The following ETV1 variants were observed in gnomAD, a reference collection of about 807,000 sequenced individuals.
ETV1 encodes the protein ETS translocation variant 1.
ETV1 carries 27 observed loss-of-function variants against 62.3 expected under a neutral mutation model. The ratio of observed to expected loss-of-function variants is 0.43; its 90% CI spans 0.32 to 0.60. The LOEUF (loss-of-function observed/expected upper bound fraction) is 0.60, where lower values mean the gene tolerates loss of function less well. Ranked by LOEUF, ETV1 falls within the 20% of genes least tolerant of loss-of-function variation. ETV1 has a pLI of 0.06. For missense variants in ETV1, 605 were observed against 605.8 expected, an observed-to-expected ratio of 1.00 and a Z score of 0.01; for synonymous variants, 222 against 199.6, an observed-to-expected ratio of 1.11 and a Z score of -0.94.
chr7:13,931,864 G>A (rs771265984), intron 8 of ETV1, 115 bp from the exon 9 acceptor site: 467 of 1,259,698 alleles, frequency 3.7e-4, no homozygotes, highest in Middle Eastern at 8.2e-4. Flanking sequence ...GACCTGAAGC[G>A]TAAATCTTTA....
intron 6 of ETV1, among the ~76,000 whole-genome samples, chr7:13,959,368 T>C (rs1402787941): frequency 6.6e-6 from 1 of 152,298 alleles, no homozygotes; most frequent in African/African-American, 2.4e-5. Context: ...CCCACTCTAC[T>C]GTACCTTAAC....
chr7:13,926,802 C>A (rs561711634), intron 9 of ETV1, among the ~76,000 whole-genome samples: 2 of 152,126 alleles, frequency 1.3e-5, no homozygotes, highest in East Asian at 3.9e-4. Flanking sequence ...ATTAAGCTAG[C>A]CCTAAATATC....
chr7:13,936,483 T>C (rs941555974), intron 7 of ETV1, among the ~76,000 whole-genome samples: 1 of 152,192 alleles, frequency 6.6e-6, no homozygotes, highest in Non-Finnish European at 1.5e-5. Flanking sequence ...TAAATTAAAA[T>C]GTCTGATATA....
At chr7:13,975,385 A>C (rs1781326946) in intron 6 of ETV1, among the ~76,000 whole-genome samples, 1 of 152,006 alleles carries the variant, frequency 6.6e-6, no homozygotes, top group South Asian at 2.1e-4. Flanking sequence ...ACTCTACTAA[A>C]AAGACAAAAA....
intron 8 of ETV1, among the ~76,000 whole-genome samples, chr7:13,934,262 C>T (rs1786527088): frequency 6.6e-6 from 1 of 152,138 alleles, no homozygotes; most frequent in Admixed American, 6.6e-5. Flanking sequence ...TAATAACTAC[C>T]CCACAAGAGG....
chr7:13,954,256 T>C (rs1232849271), intron 6 of ETV1, among the ~76,000 whole-genome samples: 1 of 152,256 alleles, frequency 6.6e-6, no homozygotes, highest in Non-Finnish European at 1.5e-5. Flanking sequence ...AAATACTTGC[T>C]TAAATGAATT....
At chr7:13,975,161 C>T (rs1257385677) in intron 6 of ETV1, 1 of 152,204 alleles carries the variant, frequency 6.6e-6, no homozygotes, top group Non-Finnish European at 1.5e-5. Flanking sequence ...ATTTCGTGTG[C>T]TCAATGGCCA....
intron 9 of ETV1, among the ~76,000 whole-genome samples, chr7:13,923,707 G>A (rs1269601978): frequency 6.6e-6 from 1 of 152,056 alleles, no homozygotes; most frequent in African/African-American, 2.4e-5. Flanking sequence ...GAGCCTGGGA[G>A]GGGTTGTTGG....
intron 9 of ETV1, among the ~76,000 whole-genome samples, 183 bp downstream of exon 9, chr7:13,931,319 A>G (rs1022687264): frequency 6.6e-6 from 1 of 152,316 alleles, no homozygotes; most frequent in African/African-American, 2.4e-5. Flanking sequence ...CCATCACCTC[A>G]TGTCAAAATG....
intron 13 of ETV1, chr7:13,900,434 G>T (rs1393212086): frequency 1.1e-5 from 3 of 270,338 alleles, no homozygotes; most frequent in Non-Finnish European, 2.1e-5. Context: ...TAGACAATGT[G>T]CAATAAAAAC....
chr7:13,949,696 G>T (rs536721137), intron 6 of ETV1, among the ~76,000 whole-genome samples: 1 of 152,254 alleles, frequency 6.6e-6, no homozygotes, highest in African/African-American at 2.4e-5. Context: ...AGAAAGATGT[G>T]AATTATGTCT....
intron 13 of ETV1, among the ~76,000 whole-genome samples, chr7:13,899,166 C>G (rs1782143177): frequency 1.3e-5 from 2 of 152,242 alleles, no homozygotes; most frequent in South Asian, 4.1e-4. Flanking sequence ...TGTGACAGCC[C>G]AGGCAATGTG....
intron 6 of ETV1, among the ~76,000 whole-genome samples, chr7:13,944,225 C>T (rs1787896708): frequency 6.6e-6 from 1 of 152,274 alleles, no homozygotes. Flanking sequence ...TCTGTTTAGG[C>T]TGCTGTAACA....
At chr7:13,945,059 C>T (rs1202164813) in intron 6 of ETV1, among the ~76,000 whole-genome samples, 1 of 151,990 alleles carries the variant, frequency 6.6e-6, no homozygotes, top group Non-Finnish European at 1.5e-5. Context: ...TTCCAGCCTC[C>T]AGAACTGTGA....
chr7:13,921,769 A>C (rs944670430), intron 9 of ETV1, among the ~76,000 whole-genome samples: 5 of 152,232 alleles, frequency 3.3e-5, no homozygotes, highest in African/African-American at 1.2e-4. Context: ...AATACTTAAC[A>C]TAGGCAGGTG....
Position 13,976,204 on chromosome 7 carries a change from G to A in ETV1, c.235+1223C>T, listed in dbSNP as rs182427333. Among the ~76,000 whole-genome samples the A allele has an allele frequency of 2.5e-3, 377 of 152,306 alleles. 2 individuals carry two copies. The highest frequency in any genetic ancestry group is 8.3e-3 in the African/African-American group (344 of 41,566). ...AGCTAATACAACAGTGGTTACCAGG[G>A]ACTGAGGGCAGAGAAATGGGAGTTA... is the stretch of plus-strand genomic sequence containing the variant. On this transcript the variant is annotated intron_variant, in intron 6 of 13. Coordinates refer to ENST00000430479, the MANE Select transcript of ETV1 (RefSeq NM_004956.5).
At chr7:13,984,882 C>A (rs981318140) in intron 5 of ETV1, among the ~76,000 whole-genome samples, 10 of 149,828 alleles carry the variant, frequency 6.7e-5, no homozygotes, top group African/African-American at 2.5e-4. Context: ...TAAATTATTG[C>A]AATCACTTAT....
rs182727987 is a variant in ETV1 at position 13,971,045 on chromosome 7, C to T, written c.235+6382G>A. ...GGAGTGCGATGGCACGATCTTGGCT[C>T]ACGGCAACCTCTACCTCCCAGGTTC... is the stretch of plus-strand genomic sequence containing the variant. On this transcript the variant is annotated intron_variant, in intron 6 of 13. Transcript: ENST00000430479. 4.0e-3 allele frequency among the ~76,000 whole-genome samples: 612 copies of T among 152,182 alleles called. 2 individuals are homozygous for T. The highest frequency in any genetic ancestry group is 0.014 in the African/African-American group (584 of 41,504).
intron 13 of ETV1, among the ~76,000 whole-genome samples, chr7:13,896,681 A>AAGAC (rs145935468): frequency 0.78 from 113,377 of 146,118 alleles, 44,663 homozygotes; most frequent in African/African-American, 0.9. Context: ...GAAATAAAGA[A>AAGAC]AGAAAGAAAA....
Sources: gnomAD v4.1 joint callset for allele counts (sites outside exome capture counted in the v4.1 genomes callset) on GRCh38, gnomAD v4.1.1 for gene constraint, MANE v1.5 for transcripts, NCBI Gene and HGNC (gene_info 2026-07-23, HGNC 2026-07-21) for gene names.